The following PRKD3 variants were observed in gnomAD, a reference collection of about 807,000 sequenced individuals.
PRKD3 encodes the protein serine/threonine-protein kinase D3.
A neutral mutation model predicts 99.2 loss-of-function variants in PRKD3; 47 were observed. The ratio of observed to expected loss-of-function variants is 0.47; its 90% CI spans 0.38 to 0.60. PRKD3 has a LOEUF of 0.60. Ranked by LOEUF, PRKD3 falls within the 20% of genes least tolerant of loss-of-function variation. The probability of loss-of-function intolerance (pLI) is 0.00; values close to 1 mark genes in which losing one functional copy is unlikely to be tolerated. For synonymous variants in PRKD3, 392 were observed against 355.4 expected (o/e 1.10, Z -1.16); for missense variants, 1,019 against 1,088.4 (o/e 0.94, Z 0.90).
At chr2:37,281,313 C>T in intron 7 of PRKD3, among the ~76,000 whole-genome samples, 1 of 152,230 alleles carries the variant, frequency 6.6e-6, no homozygotes, top group African/African-American at 2.4e-5. Context: ...TTATAAAAGA[C>T]TTTAGTCATA....
chr2:37,265,951 G>C (rs931950723), intron 14 of PRKD3, among the ~76,000 whole-genome samples: 1 of 152,100 alleles, frequency 6.6e-6, no homozygotes. Context: ...TCAATCCATA[G>C]GAATATATCC....
chr2:37,286,271 G>C lies in PRKD3; in HGVS notation c.816C>G (p.His272Gln). The C allele has an allele frequency of 6.2e-7, 1 of 1,614,020 alleles. No homozygotes were observed. Among genetic ancestry groups the C allele is most frequent in the Non-Finnish European group, 8.5e-7 (1 of 1,179,912 alleles). The change falls in exon 6 of 19, where the codon CAC (histidine) becomes CAG (glutamine). Residue 272 changes from histidine to glutamine, a missense_variant. His to Gln is a conservative substitution (Grantham distance 24). Transcript: ENST00000234179. ...KMVMCRVKVP[H>Q]TFAVHSYTRP... ...GGGTGTAAGAGTGAACAGCAAATGT[G>C]TGTGGAACTTTCACTCTGCACATTA...
intron 2 of PRKD3, among the ~76,000 whole-genome samples, chr2:37,293,607 C>T (rs974678576): frequency 2.0e-5 from 3 of 152,184 alleles, no homozygotes; most frequent in Non-Finnish European, 4.4e-5. Context: ...GATAAGCAGT[C>T]GTTCCAGCGC....
chr2:37,267,204 C>T (rs529971604), intron 14 of PRKD3, among the ~76,000 whole-genome samples: 4 of 152,204 alleles, frequency 2.6e-5, no homozygotes, highest in East Asian at 1.9e-4. Flanking sequence ...GTATTTTAAG[C>T]TCCTGGAATG....
rs923851753 is a variant in PRKD3 at position 37,252,779 on chromosome 2, C to CTATATTATACTATATTA, written c.*397_*398insTAATATAGTATAATATA. 3 of 149,972 alleles carry CTATATTATACTATATTA rather than the reference C, an allele frequency of 2.0e-5. No individual in the cohort carries two copies. The highest frequency in any genetic ancestry group is 7.4e-5 in the African/African-American group (3 of 40,762). 9.3% of individuals were successfully genotyped at this position (149,972 alleles called of 1,614,324 possible). On this transcript the variant is annotated 3_prime_UTR_variant, in exon 19 of 19. Transcript: ENST00000234179. ...GTAAGTCTTGTATAATTTAGCCAAG[C>CTATATTATACTATATTA]TATATAGTAACTGGATGCTAGCTTG...
intron 17 of PRKD3, among the ~76,000 whole-genome samples, chr2:37,255,395 G>A (rs1667853764): frequency 6.6e-6 from 1 of 152,116 alleles, no homozygotes; most frequent in South Asian, 2.1e-4. Context: ...AACTTCTATG[G>A]GGCAGTTAAA....
At chr2:37,307,536 T>C (rs552838397) in intron 2 of PRKD3, among the ~76,000 whole-genome samples, 24 of 152,316 alleles carry the variant, frequency 1.6e-4, no homozygotes, top group African/African-American at 5.5e-4. Flanking sequence ...AATCATCTCA[T>C]CAATAAAACT....
chr2:37,274,706 A>G lies in PRKD3; in HGVS notation c.1375-9T>C, dbSNP rs752963348. The G allele has an allele frequency of 2.1e-5, 33 of 1,608,168 alleles. No homozygotes were observed. Among genetic ancestry groups the G allele is most frequent in the Non-Finnish European group, 2.7e-5 (32 of 1,175,706 alleles). The stretch of plus-strand genomic sequence containing the variant: ...TCTGAAAGTGGAATTTCCTGAAGTA[A>G]AAAATTAAGCATTGAAAAATAAGAA... On this transcript the variant is annotated splice_polypyrimidine_tract_variant and intron_variant, in intron 10 of 18. Transcript: ENST00000234179.
chr2:37,324,646 G>C (rs1160008750), intron 1 of PRKD3, 35 bp downstream of exon 1: 2 of 151,504 alleles, frequency 1.3e-5, no homozygotes, highest in Non-Finnish European at 2.9e-5. Flanking sequence ...AACTTTTTCG[G>C]TGTCTGTTCA....
At chr2:37,283,056 G>A (rs1669927831) in intron 6 of PRKD3, among the ~76,000 whole-genome samples, 3 of 152,178 alleles carry the variant, frequency 2.0e-5, no homozygotes, top group South Asian at 2.1e-4. Flanking sequence ...AACCCTGTGA[G>A]GAAGGACTGA....
intron 2 of PRKD3, among the ~76,000 whole-genome samples, chr2:37,297,124 T>C (rs1670709595): frequency 6.6e-6 from 1 of 151,844 alleles, no homozygotes; most frequent in South Asian, 2.1e-4. Context: ...ATTCAGAAAA[T>C]AGGTTTTCAC....
chr2:37,253,267 G>T lies in PRKD3; in HGVS notation c.2583C>A (p.Arg861=). 6.2e-7 allele frequency: 1 copy of T among 1,612,958 alleles called. No individual in the cohort carries two copies. The highest frequency in any genetic ancestry group is 1.3e-5 in the African/African-American group (1 of 75,022). ...TATGTGTGTATGCATGTATTTCCCA[G>T]CGAGCATCATCACTTTCATGTGTAA... is the stretch of plus-strand genomic sequence containing the variant. ...RYITHESDDA[R]WEIHAYTHNL... Residue 861 remains arginine, a synonymous_variant, in exon 19 of 19, where the codon CGC becomes CGA. Coordinates refer to ENST00000234179, the MANE Select transcript of PRKD3 (RefSeq NM_005813.6).
chr2:37,268,396 T>C (rs780995945), intron 13 of PRKD3: 1 of 469,364 alleles, frequency 2.1e-6, no homozygotes, highest in South Asian at 1.6e-5. Flanking sequence ...CCATAGATAT[T>C]ATATATGCAT....
chr2:37,274,357 C>CCATA, intron 11 of PRKD3, 64 bp downstream of exon 11: 1 of 1,568,072 alleles, frequency 6.4e-7, no homozygotes, highest in Non-Finnish European at 8.7e-7. Context: ...AGGAACACAA[C>CCATA]CATACCCACA....
At chr2:37,304,191 C>G in intron 2 of PRKD3, among the ~76,000 whole-genome samples, 1 of 127,522 alleles carries the variant, frequency 7.8e-6, no homozygotes, top group Admixed American at 8.4e-5. Context: ...TTAACAGGTA[C>G]TTACTAAAAA....
chr2:37,278,119 T>A (rs1669663807), intron 8 of PRKD3, 130 bp from the exon 9 acceptor site: 7 of 616,580 alleles, frequency 1.1e-5, no homozygotes, highest in Middle Eastern at 4.8e-4. Context: ...AAATAAACAA[T>A]GGCTGAAGAA....
rs1391462850 is a variant in PRKD3 at position 37,274,614 on chromosome 2, A to C, written c.1458T>G (p.Phe486Leu). The change falls in exon 11 of 19, where the codon TTT (phenylalanine) becomes TTG (leucine). Residue 486 changes from phenylalanine (F) to leucine (L), a missense_variant. Phe to Leu is a conservative substitution (Grantham distance 22). Transcript: ENST00000234179. ...ATACCATAGTATCAGTAATGATTTCAAAACAGTGTGGATTGCTGCCTTGTG... is the reference window on the plus strand; with the variant it reads ...ATACCATAGTATCAGTAATGATTTCCAAACAGTGTGGATTGCTGCCTTGTG... ...NISQGSNPHC[F>L]EIITDTMVYF... The C allele has an allele frequency of 6.2e-7, 1 of 1,614,128 alleles. No individual in the cohort carries two copies. The highest frequency in any genetic ancestry group is 1.7e-5 in the Admixed American group (1 of 60,020).
In PRKD3 at chr2:37,252,831, A is replaced by AT. The variant is rs1667601476; in HGVS notation, c.*345_*346insA. 2.3e-5 allele frequency: 3 copies of AT among 130,766 alleles called. No individual in the cohort carries two copies. The highest frequency in any genetic ancestry group is 1.8e-4 in the Admixed American group (2 of 11,236). The allele number at this position is 130,766 out of a possible 1,614,324, so 8.1% of individuals were successfully genotyped here. A position where few individuals can be genotyped will look rare whatever the true frequency, so the allele number is the denominator to read the frequency against. ...CTTGTTTTTCATTAAAAAAACAAACAAACATATATTTATATTTATATATAT... is the reference window on the plus strand; with the variant it reads ...CTTGTTTTTCATTAAAAAAACAAACATAACATATATTTATATTTATATATAT... On this transcript the variant is annotated 3_prime_UTR_variant, in exon 19 of 19. Coordinates refer to ENST00000234179, the MANE Select transcript of PRKD3 (RefSeq NM_005813.6).
intron 2 of PRKD3, among the ~76,000 whole-genome samples, chr2:37,315,446 A>G (rs1671616443): frequency 6.6e-6 from 1 of 152,132 alleles, no homozygotes; most frequent in Non-Finnish European, 1.5e-5. Context: ...ATGGCAGTTT[A>G]TTTTTCAGGA....
Sources: allele counts gnomAD v4.1 joint callset (sites outside exome capture counted in the v4.1 genomes callset), GRCh38; gene constraint gnomAD v4.1.1; transcripts MANE v1.5; gene names NCBI Gene and HGNC (gene_info 2026-07-23, HGNC 2026-07-21).